Variants in AXL observed in about 807,000 individuals in gnomAD.
AXL encodes tyrosine-protein kinase receptor UFO.
A neutral mutation model predicts 104.5 loss-of-function variants in AXL; 52 were observed. The observed-to-expected ratio is 0.50, with a 90% confidence interval of 0.40 to 0.63. The LOEUF (loss-of-function observed/expected upper bound fraction) is 0.63. Among genes scored for constraint, AXL ranks in the 20% least tolerant of loss-of-function variants. The pLI, the probability that AXL is intolerant of heterozygous loss-of-function variation, is 0.00. For missense variants in AXL, 1,024 were observed against 1,188.5 expected, an observed-to-expected ratio of 0.86 and a Z score of 2.04; for synonymous variants, 455 against 473.7, an observed-to-expected ratio of 0.96 and a Z score of 0.51.
Position 41,243,594 on chromosome 19 carries a change from A to C in AXL, c.1446-22A>C, listed in dbSNP as rs200152991. The C allele has an allele frequency of 2.6e-5, 41 of 1,600,718 alleles. No individual in the cohort carries two copies. The East Asian group carries it at 8.9e-4, about 35-fold the overall frequency. ...TTCCACATGGTTTTTCCCTGCCCTC[A>C]CCTACTCCCCCTCCCCCCCAGAGAA... On this transcript the variant is annotated intron_variant, in intron 11 of 19. Transcript: ENST00000301178.
intron 12 of AXL, among the ~76,000 whole-genome samples, chr19:41,248,292 G>A (rs965100469): frequency 2.0e-5 from 3 of 152,242 alleles, no homozygotes; most frequent in African/African-American, 7.2e-5. Flanking sequence ...GAGCAAGAGC[G>A]TGGCCAGGCT....
At chr19:41,226,650 C>T (rs2033887370) in intron 4 of AXL, 1 of 780,580 alleles carries the variant, frequency 1.3e-6, no homozygotes, top group Non-Finnish European at 1.6e-6. Flanking sequence ...GGAGCAAACA[C>T]GAGAGACACG....
rs551181986 is a variant in AXL at position 41,255,382 on chromosome 19, CTCCT to C, written c.2037-1054_2037-1051del. 9.2e-4 allele frequency among the ~76,000 whole-genome samples: 133 copies of C among 144,238 alleles called. 2 individuals carry two copies. In the South Asian group the frequency reaches 9.9e-3, roughly 11 times the overall value. The allele number at this position is 144,238 out of a possible 152,430, so 94.6% of individuals were successfully genotyped here. On this transcript the variant is annotated intron_variant, in intron 17 of 19. Transcript: ENST00000301178. ...TTTCTTTCTCTTTCTCTCTCTTTAT[CTCCT>C]TCCTTCCTTCCTTCCCTCCCTCCCT...
intron 2 of AXL, 61 bp downstream of exon 2, chr19:41,220,919 A>AC: frequency 1.9e-6 from 3 of 1,570,702 alleles, no homozygotes; most frequent in Non-Finnish European, 2.6e-6. Flanking sequence ...CAGAAAGCCC[A>AC]CCTGGGTGGG....
intron 12 of AXL, among the ~76,000 whole-genome samples, chr19:41,245,821 G>A (rs750451420): frequency 1.3e-5 from 2 of 151,740 alleles, no homozygotes; most frequent in African/African-American, 2.4e-5. Flanking sequence ...CGAGAAAGCC[G>A]CCAGGGCCCC....
chr19:41,238,414 G>A, intron 7 of AXL, 56 bp from the exon 8 acceptor site: 2 of 1,587,348 alleles, frequency 1.3e-6, no homozygotes, highest in Non-Finnish European at 1.7e-6. Context: ...CTGGGAACAG[G>A]GGAGGGGGTC....
intron 17 of AXL, among the ~76,000 whole-genome samples, chr19:41,254,376 CAAAA>C (rs34633761): frequency 7.6e-4 from 62 of 81,160 alleles, no homozygotes; most frequent in African/African-American, 2.2e-3. Flanking sequence ...GACTCTGTCT[CAAAA>C]AAAAAAAAAA....
At chr19:41,238,930 C>G (rs1217694662) in intron 8 of AXL, among the ~76,000 whole-genome samples, 1 of 151,870 alleles carries the variant, frequency 6.6e-6, no homozygotes, top group Non-Finnish European at 1.5e-5. Context: ...GCACTCCTAT[C>G]AGGGCTAGCA....
intron 6 of AXL, among the ~76,000 whole-genome samples, chr19:41,236,220 C>G (rs1038331071): frequency 6.6e-6 from 1 of 151,452 alleles, no homozygotes; most frequent in Non-Finnish European, 1.5e-5. Flanking sequence ...GTAGCCCCAG[C>G]TACTCGAGAG....
chr19:41,229,881 G>C (rs2033945569), intron 4 of AXL, among the ~76,000 whole-genome samples: 2 of 152,110 alleles, frequency 1.3e-5, no homozygotes, highest in African/African-American at 4.8e-5. Context: ...TGTCTAGCAG[G>C]TGTGTGTGCT....
chr19:41,258,578 C>G (rs897494023), intron 19 of AXL, among the ~76,000 whole-genome samples: 1 of 152,156 alleles, frequency 6.6e-6, no homozygotes, highest in African/African-American at 2.4e-5. Context: ...CCATGCCCAG[C>G]TAATTTTTTT....
chr19:41,231,953 A>C (rs1280381080), intron 6 of AXL, among the ~76,000 whole-genome samples: 41 of 151,704 alleles, frequency 2.7e-4, no homozygotes, highest in African/African-American at 1.0e-3. Flanking sequence ...CAACAACAAA[A>C]AAAATTTAAC....
At chr19:41,256,744 T>G (rs1396259921) in intron 18 of AXL, 133 bp downstream of exon 18, 1 of 1,248,574 alleles carries the variant, frequency 8.0e-7, no homozygotes, top group African/African-American at 1.5e-5. Context: ...CTTGTCCACA[T>G]GGGCTGGGCA....
rs1465384064 is a variant in AXL at position 41,245,379 on chromosome 19, GA to G, written c.1537+1675del. ...CTATAGACTCTCCATTAGAAGGCTG[GA>G]AAGCCATGCAAGGTCTCAGCCGAGG... On this transcript the variant is annotated intron_variant, in intron 12 of 19. Coordinates refer to ENST00000301178, the MANE Select transcript of AXL (RefSeq NM_021913.5). Among the ~76,000 whole-genome samples, 16 of 152,296 alleles carry G rather than the reference GA, an allele frequency of 1.1e-4. No individual in the cohort carries two copies. The East Asian group carries it at 2.1e-3, about 20-fold the overall frequency.
chr19:41,253,703 C>T lies in AXL; in HGVS notation c.2031C>T (p.Asn677=), dbSNP rs908989772. The change falls in exon 17 of 20, where the codon AAC becomes AAT. Residue 677 remains asparagine, a synonymous_variant. Transcript: ENST00000301178. ...RFIHRDLAAR[N]CMLNENMSVC... is the part of the protein sequence containing the mutation. ...TACACCGGGACCTGGCGGCCAGGAA[C>T]TGCATGTGAGTGCCTTTCAGGGACC... 2.5e-6 allele frequency: 4 copies of T among 1,606,276 alleles called. No individual in the cohort carries two copies. The highest frequency in any genetic ancestry group is 3.4e-6 in the Non-Finnish European group (4 of 1,175,776).
chr19:41,222,139 C>A, intron 4 of AXL, 83 bp downstream of exon 4: 4 of 1,355,090 alleles, frequency 3.0e-6, no homozygotes, highest in Non-Finnish European at 3.9e-6. Flanking sequence ...GCTACCTCTG[C>A]GTGAGTGTCT....
chr19:41,224,163 G>A (rs2033839684), intron 4 of AXL, among the ~76,000 whole-genome samples: 1 of 151,926 alleles, frequency 6.6e-6, no homozygotes, highest in South Asian at 2.1e-4. Flanking sequence ...TTGTGTTTGT[G>A]TGTTCACAGC....
rs776672845 is a variant in AXL, at chr19:41,256,440, C to T, written c.2037-12C>T. The T allele has an allele frequency of 6.2e-7, 1 of 1,608,288 alleles. No individual in the cohort carries two copies. The highest frequency in any genetic ancestry group is 1.1e-5 in the South Asian group (1 of 90,978). ...GATGCCCTGACCCTGTTCCTTTCCC[C>T]AATCCAAACAGGCTGAATGAGAACA... On this transcript the variant is annotated splice_polypyrimidine_tract_variant and intron_variant, in intron 17 of 19. Transcript: ENST00000301178.
chr19:41,243,531 T>C, intron 11 of AXL, 85 bp from the exon 12 acceptor site: 1 of 1,048,138 alleles, frequency 9.5e-7, no homozygotes, highest in Non-Finnish European at 1.5e-6. Context: ...GGCTTGAGGC[T>C]GAGATGGTGC....
Sources: gnomAD v4.1 joint callset for allele counts (sites outside exome capture counted in the v4.1 genomes callset) on GRCh38, gnomAD v4.1.1 for gene constraint, MANE v1.5 for transcripts, NCBI Gene and HGNC (gene_info 2026-07-23, HGNC 2026-07-21) for gene names.